The following UNC13C variants were observed in gnomAD, a reference collection of about 807,000 sequenced individuals.
UNC13C encodes protein unc-13 homolog C.
A neutral mutation model predicts 245.4 loss-of-function variants in UNC13C; 174 were observed. The ratio of observed to expected loss-of-function variants is 0.71; its 90% CI spans 0.63 to 0.80. The LOEUF is 0.80. UNC13C is among the 30% of genes least tolerant of loss of function. The probability of loss-of-function intolerance (pLI) is 0.00; values close to 1 mark genes in which losing one functional copy is unlikely to be tolerated. For synonymous variants in UNC13C, 992 were observed against 895.1 expected (o/e 1.11, Z -1.93); for missense variants, 2,829 against 2,602.9 (o/e 1.09, Z -1.89).
intron 14 of UNC13C, among the ~76,000 whole-genome samples, chr15:54,324,467 T>C (rs2038242712): frequency 6.6e-6 from 1 of 152,026 alleles, no homozygotes; most frequent in Non-Finnish European, 1.5e-5. Context: ...GAAATCATGA[T>C]GTGGATGAAA....
At chr15:53,838,698 T>C in the UNC13C span, among the ~76,000 whole-genome samples, 1 of 152,012 alleles carries the variant, frequency 6.6e-6, no homozygotes, top group Non-Finnish European at 1.5e-5. Flanking sequence ...ATAAGAGAAA[T>C]TGACCTATAA....
At chr15:53,933,344 C>T in the UNC13C span, among the ~76,000 whole-genome samples, 6 of 152,066 alleles carry the variant, frequency 3.9e-5, no homozygotes, top group African/African-American at 1.4e-4. Context: ...AAAACATCAA[C>T]ATATGCATAT....
intron 4 of UNC13C, among the ~76,000 whole-genome samples, chr15:54,162,082 A>G (rs1171080725): frequency 2.0e-5 from 3 of 152,180 alleles, no homozygotes; most frequent in Non-Finnish European, 4.4e-5. Context: ...TCATTAGGAA[A>G]TTACATATAA....
At chr15:54,162,800 T>A (rs2033026460) in intron 4 of UNC13C, among the ~76,000 whole-genome samples, 1 of 152,214 alleles carries the variant, frequency 6.6e-6, no homozygotes, top group African/African-American at 2.4e-5. Context: ...AAATCTCATG[T>A]TGGTTTAAAA....
intron 4 of UNC13C, among the ~76,000 whole-genome samples, chr15:54,158,368 G>A (rs576576614): frequency 9.1e-4 from 137 of 150,622 alleles, no homozygotes; most frequent in African/African-American, 3.0e-3. Context: ...CACTCTTGTC[G>A]CCCAGGCTGG....
chr15:54,225,169 T>C (rs949420854), intron 4 of UNC13C, among the ~76,000 whole-genome samples: 4 of 120,336 alleles, frequency 3.3e-5, no homozygotes, highest in Admixed American at 1.8e-4. Flanking sequence ...GAGTTCTCTG[T>C]CTTTTTTTTT....
chr15:54,486,153 T>C (rs968000763), intron 19 of UNC13C, among the ~76,000 whole-genome samples: 1 of 151,718 alleles, frequency 6.6e-6, no homozygotes, highest in Non-Finnish European at 1.5e-5. Flanking sequence ...CTCATGCCCA[T>C]AATCCCAGCA....
At chr15:54,109,255 C>A (rs1021702320) in intron 2 of UNC13C, among the ~76,000 whole-genome samples, 2 of 144,616 alleles carry the variant, frequency 1.4e-5, no homozygotes, top group African/African-American at 5.0e-5. Flanking sequence ...CCTTTCTTTC[C>A]TTTCCTTTCC....
intron 10 of UNC13C, among the ~76,000 whole-genome samples, chr15:54,283,754 C>A (rs2037066444): frequency 6.6e-6 from 1 of 151,098 alleles, no homozygotes; most frequent in Admixed American, 6.6e-5. Flanking sequence ...AATATTTAAT[C>A]CCCTTAAAAG....
intron 2 of UNC13C, among the ~76,000 whole-genome samples, chr15:54,136,418 ATTTG>A (rs972631323): frequency 4.6e-5 from 7 of 152,134 alleles, no homozygotes; most frequent in Admixed American, 3.9e-4. Context: ...GACACTTTAG[ATTTG>A]TTTATCAGTT....
At chr15:53,941,837 A>G in the UNC13C span, among the ~76,000 whole-genome samples, 38 of 152,354 alleles carry the variant, frequency 2.5e-4, 1 homozygote, top group African/African-American at 8.4e-4. Context: ...AAAGAAATGC[A>G]AATCAAAACC....
intron 13 of UNC13C, among the ~76,000 whole-genome samples, chr15:54,307,546 C>T (rs2037758942): frequency 1.3e-5 from 2 of 151,892 alleles, no homozygotes; most frequent in Admixed American, 6.6e-5. Flanking sequence ...CTCTAGTAAG[C>T]TCCTGATTTA....
Position 54,143,697 on chromosome 15 carries a change from A to C in UNC13C, c.3071+13A>C. ...AGGTGTGTGGTGGGTAAGTACCTTC[A>C]TACCTTTCTAATTTATTCCATTCAT... On this transcript the variant is annotated intron_variant, in intron 4 of 32. Transcript: ENST00000260323. 1 of 1,608,444 alleles carries C rather than the reference A, an allele frequency of 6.2e-7. No individual in the cohort carries two copies. The highest frequency in any genetic ancestry group is 8.5e-7 in the Non-Finnish European group (1 of 1,175,392).
the UNC13C span, among the ~76,000 whole-genome samples, chr15:53,893,692 C>T: frequency 9.2e-5 from 14 of 151,816 alleles, no homozygotes; most frequent in Non-Finnish European, 4.4e-5. Flanking sequence ...TAGTGGATGT[C>T]CCTCCCCCCA....
intron 13 of UNC13C, chr15:54,321,171 A>G (rs2038147203): frequency 3.9e-6 from 2 of 517,126 alleles, no homozygotes; most frequent in East Asian, 5.4e-5. Context: ...AGTTGTGGCC[A>G]TTCACAGTAA....
chr15:54,066,304 C>G (rs1019381374), intron 2 of UNC13C, among the ~76,000 whole-genome samples: 1 of 152,212 alleles, frequency 6.6e-6, no homozygotes, highest in African/African-American at 2.4e-5. Context: ...GAAATACAAG[C>G]TGATTTCTTT....
chr15:53,876,166 T>C, the UNC13C span, among the ~76,000 whole-genome samples: 3 of 152,362 alleles, frequency 2.0e-5, no homozygotes, highest in South Asian at 6.2e-4. Flanking sequence ...CTTTTGCTCA[T>C]GTTGCATTTT....
chr15:54,128,741 G>A (rs191883222), intron 2 of UNC13C, among the ~76,000 whole-genome samples: 1 of 152,280 alleles, frequency 6.6e-6, no homozygotes, highest in Admixed American at 6.5e-5. Flanking sequence ...AGTGGAAAGG[G>A]CTTTATGTTA....
chr15:54,058,060 C>G (rs567633453), intron 2 of UNC13C, among the ~76,000 whole-genome samples: 82 of 151,888 alleles, frequency 5.4e-4, no homozygotes, highest in African/African-American at 1.9e-3. Context: ...AAGTAGAGAA[C>G]CAAGAGCAAA....
Sources: gnomAD v4.1 joint callset for allele counts (sites outside exome capture counted in the v4.1 genomes callset) on GRCh38, gnomAD v4.1.1 for gene constraint, MANE v1.5 for transcripts, NCBI Gene and HGNC (gene_info 2026-07-23, HGNC 2026-07-21) for gene names.